Variants in CRADD observed in about 807,000 individuals in gnomAD.
The protein encoded by CRADD is CARD and death domain containing adaptor protein, also known as death domain-containing protein CRADD.
A neutral mutation model predicts 15.5 loss-of-function variants in CRADD; 9 were observed. That is an observed-to-expected ratio of 0.58 (90% CI 0.35 to 1.01). CRADD has a LOEUF of 1.01. Ranked by LOEUF, CRADD falls within the 50% of genes least tolerant of loss-of-function variation. The pLI is 0.02. For synonymous variants in CRADD, 118 were observed against 107.6 expected (o/e 1.10, Z -0.60); for missense variants, 227 against 250.3 (o/e 0.91, Z 0.63).
chr12:93,708,251 A>G lies in CRADD; in HGVS notation c.298+29179A>G, dbSNP rs184587993. The stretch of plus-strand genomic sequence containing the variant: ...ATAGAAATCCATGGAATATAGACTA[A>G]CTGGTAAATAAAAGTACAGGTGATA... On this transcript the variant is annotated intron_variant, in intron 2 of 2. Transcript: ENST00000332896. 9.2e-5 allele frequency: 14 copies of G among 152,374 alleles called. No individual in the cohort carries two copies. In the East Asian group the frequency reaches 2.3e-3, roughly 25 times the overall value. 9.4% of individuals were successfully genotyped at this position (152,374 alleles called of 1,614,324 possible).
chr12:93,820,108 CT>C (rs1391443942), intron 2 of CRADD, among the ~76,000 whole-genome samples: 1 of 152,248 alleles, frequency 6.6e-6, no homozygotes, highest in African/African-American at 2.4e-5. Flanking sequence ...TGTCTTGCCC[CT>C]GTATTTAATC....
chr12:93,702,353 G>GA (rs201035830), intron 2 of CRADD, among the ~76,000 whole-genome samples: 4,246 of 151,262 alleles, frequency 0.028, 82 homozygotes, highest in Non-Finnish European at 0.041. Flanking sequence ...CCTAGGGAGA[G>GA]AAAAAAAACC....
At chr12:93,768,932 TTTAC>T (rs372684329) in intron 2 of CRADD, among the ~76,000 whole-genome samples, 41 of 152,348 alleles carry the variant, frequency 2.7e-4, no homozygotes, top group African/African-American at 8.2e-4. Flanking sequence ...TTTTGATTTT[TTTAC>T]TTACTTTACT....
intron 2 of CRADD, chr12:93,848,906 G>A (rs1011152287): frequency 3.3e-5 from 5 of 152,168 alleles, no homozygotes; most frequent in Non-Finnish European, 5.9e-5. Flanking sequence ...AGATTTCCTC[G>A]TTGCCCCGTC....
At chr12:93,700,301 G>A (rs148112870) in intron 2 of CRADD, among the ~76,000 whole-genome samples, 2 of 152,298 alleles carry the variant, frequency 1.3e-5, no homozygotes, top group African/African-American at 4.8e-5. Context: ...CCTGTACAGA[G>A]AAGCTGCCAG....
intron 2 of CRADD, among the ~76,000 whole-genome samples, chr12:93,709,953 C>G (rs181095656): frequency 6.6e-6 from 1 of 152,278 alleles, no homozygotes; most frequent in Admixed American, 6.5e-5. Context: ...TGTCTTTTCT[C>G]CTGCTCATAT....
At chr12:93,756,554 T>G (rs1427905976) in intron 2 of CRADD, among the ~76,000 whole-genome samples, 1 of 152,220 alleles carries the variant, frequency 6.6e-6, no homozygotes, top group Non-Finnish European at 1.5e-5. Flanking sequence ...TTTAAGCTGT[T>G]TTATTCCAGG....
At chr12:93,782,153 C>T (rs1326352984) in intron 2 of CRADD, among the ~76,000 whole-genome samples, 1 of 152,098 alleles carries the variant, frequency 6.6e-6, no homozygotes, top group East Asian at 1.9e-4. Context: ...CCATGGAATA[C>T]TATGCAGCCA....
chr12:93,813,279 C>T (rs1348946877), intron 2 of CRADD, among the ~76,000 whole-genome samples: 1 of 152,136 alleles, frequency 6.6e-6, no homozygotes, highest in African/African-American at 2.4e-5. Context: ...TGGAATCTAA[C>T]GTGGTAATGC....
At chr12:93,786,331 G>T (rs1316802372) in intron 2 of CRADD, among the ~76,000 whole-genome samples, 2 of 152,146 alleles carry the variant, frequency 1.3e-5, no homozygotes, top group Admixed American at 1.3e-4. Context: ...GTATACATCT[G>T]TATTTAACTT....
chr12:93,789,389 A>AT (rs1459484855), intron 2 of CRADD, among the ~76,000 whole-genome samples: 12 of 152,182 alleles, frequency 7.9e-5, no homozygotes, highest in African/African-American at 2.9e-4. Context: ...AGAACTGAAG[A>AT]TACAGTATTC....
intron 2 of CRADD, among the ~76,000 whole-genome samples, chr12:93,746,841 A>G (rs890986801): frequency 5.9e-5 from 9 of 151,510 alleles, no homozygotes; most frequent in Non-Finnish European, 1.2e-4. Context: ...CCAGTCATAT[A>G]GCAGTGTGGT....
At chr12:93,884,915 A>G (rs1240657066) in intron 2 of CRADD, among the ~76,000 whole-genome samples, 1 of 152,200 alleles carries the variant, frequency 6.6e-6, no homozygotes, top group African/African-American at 2.4e-5. Flanking sequence ...AAGGAGAACC[A>G]TTCCTAAGGA....
chr12:93,708,536 T>A (rs999681995), intron 2 of CRADD: 11 of 152,272 alleles, frequency 7.2e-5, no homozygotes, highest in Non-Finnish European at 1.6e-4. Flanking sequence ...ATGCTCTTTT[T>A]CCAGATATTC....
chr12:93,861,061 C>T (rs1054435419), intron 2 of CRADD, among the ~76,000 whole-genome samples: 10 of 152,184 alleles, frequency 6.6e-5, no homozygotes, highest in African/African-American at 2.4e-4. Context: ...TTTAACAGAA[C>T]TTGGCCAAGA....
At chr12:93,874,799 AT>A (rs1455765416) in intron 2 of CRADD, among the ~76,000 whole-genome samples, 1 of 151,874 alleles carries the variant, frequency 6.6e-6, no homozygotes, top group Admixed American at 6.6e-5. Flanking sequence ...CATTATTTCA[AT>A]TTTTTTGAAT....
At chr12:93,737,706 A>T (rs913957238) in intron 2 of CRADD, 1 of 152,052 alleles carries the variant, frequency 6.6e-6, no homozygotes, top group Non-Finnish European at 1.5e-5. Context: ...TACCTTGTCC[A>T]CTCCGTGCTG....
chr12:93,722,175 T>C (rs995681073), intron 2 of CRADD, among the ~76,000 whole-genome samples: 49 of 152,350 alleles, frequency 3.2e-4, no homozygotes, highest in African/African-American at 1.2e-3. Flanking sequence ...CTCCACTTTG[T>C]TCTTGATTAT....
intron 2 of CRADD, among the ~76,000 whole-genome samples, chr12:93,873,658 A>G (rs1405530728): frequency 6.6e-6 from 1 of 152,158 alleles, no homozygotes; most frequent in Admixed American, 6.6e-5. Context: ...TTCAGCATCA[A>G]TTGAAATGAT....
Sources: allele counts gnomAD v4.1 joint callset (sites outside exome capture counted in the v4.1 genomes callset), GRCh38; gene constraint gnomAD v4.1.1; transcripts MANE v1.5; gene names NCBI Gene and HGNC (gene_info 2026-07-23, HGNC 2026-07-21).